The following CPAMD8 variants were observed in gnomAD, a reference collection of about 807,000 sequenced individuals.
CPAMD8 encodes C3 and PZP-like alpha-2-macroglobulin domain-containing protein 8.
A neutral mutation model predicts 224.7 loss-of-function variants in CPAMD8; 146 were observed. The ratio of observed to expected loss-of-function variants is 0.65; its 90% CI spans 0.57 to 0.75. CPAMD8 has a LOEUF of 0.75. CPAMD8 is among the 30% of genes least tolerant of loss of function. CPAMD8 has a pLI of 0.00. For synonymous variants in CPAMD8, 966 were observed against 1,044.6 expected (o/e 0.92, Z 1.45); for missense variants, 2,301 against 2,537.5 (o/e 0.91, Z 2.00).
At chr19:16,955,506 G>T (rs750404722) in intron 19 of CPAMD8, among the ~76,000 whole-genome samples, 3 of 152,116 alleles carry the variant, frequency 2.0e-5, no homozygotes, top group Non-Finnish European at 4.4e-5. Context: ...TGTTTAATGG[G>T]ACAGAGTGTC....
chr19:16,965,076 C>G (rs1359970966), intron 18 of CPAMD8, among the ~76,000 whole-genome samples: 2 of 151,972 alleles, frequency 1.3e-5, no homozygotes, highest in Admixed American at 1.3e-4. Flanking sequence ...CTGGCTAACA[C>G]GGTGATACCC....
At chr19:16,978,197 A>G (rs2055350103) in intron 14 of CPAMD8, among the ~76,000 whole-genome samples, 1 of 152,122 alleles carries the variant, frequency 6.6e-6, no homozygotes, top group South Asian at 2.1e-4. Context: ...CGGGGACACA[A>G]GGAAACTCAT....
chr19:16,902,595 T>C, intron 35 of CPAMD8, 54 bp downstream of exon 35: 1 of 1,162,722 alleles, frequency 8.6e-7, no homozygotes, highest in Non-Finnish European at 1.3e-6. Flanking sequence ...GGCCATCCTC[T>C]CCGCACATTG....
At position 17,002,256 on chromosome 19, in the gene CPAMD8, T is replaced by A; in HGVS notation, c.758+10A>T. On this transcript the variant is annotated intron_variant, in intron 9 of 41. Coordinates refer to ENST00000443236, the MANE Select transcript of CPAMD8 (RefSeq NM_015692.5). ...CCCCCCAGTGTGCCCCAGGGGTCCC[T>A]CTTTCTCACCTGGCCCGCACAGTGC... 1.9e-6 allele frequency: 3 copies of A among 1,576,556 alleles called. No individual in the cohort carries two copies. Among genetic ancestry groups the A allele is most frequent in the Non-Finnish European group, 2.6e-6 (3 of 1,155,468 alleles).
At chr19:17,012,797 C>T (rs918966978) in intron 3 of CPAMD8, among the ~76,000 whole-genome samples, 1 of 152,178 alleles carries the variant, frequency 6.6e-6, no homozygotes, top group African/African-American at 2.4e-5. Context: ...AGCCTGTGAG[C>T]GGTGGAAGGA....
At chr19:16,979,736 T>A (rs1051453937) in intron 14 of CPAMD8, among the ~76,000 whole-genome samples, 3 of 152,216 alleles carry the variant, frequency 2.0e-5, no homozygotes, top group African/African-American at 7.2e-5. Context: ...TATCCTACAG[T>A]GCCTCCACCA....
intron 1 of CPAMD8, 88 bp from the exon 2 acceptor site, chr19:17,022,269 C>A: frequency 6.9e-7 from 1 of 1,447,600 alleles, no homozygotes; most frequent in Non-Finnish European, 9.4e-7. Context: ...CTCCTCGCAG[C>A]AGACTCCTGC....
chr19:17,000,849 T>C (rs1464159466), intron 9 of CPAMD8, among the ~76,000 whole-genome samples: 3 of 152,218 alleles, frequency 2.0e-5, no homozygotes, highest in African/African-American at 7.2e-5. Context: ...GAGAGGCACC[T>C]GAGCCTAAGC....
intron 18 of CPAMD8, among the ~76,000 whole-genome samples, chr19:16,965,839 A>G (rs569262228): frequency 6.6e-6 from 1 of 152,342 alleles, no homozygotes; most frequent in East Asian, 1.9e-4. Context: ...AATGAAATAA[A>G]AGAGGACACA....
chr19:16,939,838 T>C (rs2053825025), intron 22 of CPAMD8, among the ~76,000 whole-genome samples: 1 of 152,196 alleles, frequency 6.6e-6, no homozygotes, highest in East Asian at 1.9e-4. Context: ...TCTCAGGCCT[T>C]CCAGCTACAC....
rs143360634 is a variant in CPAMD8, at chr19:16,923,925, C to T, written c.3547+1271G>A. ...GAGCTATGATCGCACCATTGCACTCCGGCCTGGGTGACAGAGCGAGACCCT... is the reference window on the plus strand; with the variant it reads ...GAGCTATGATCGCACCATTGCACTCTGGCCTGGGTGACAGAGCGAGACCCT... On this transcript the variant is annotated intron_variant, in intron 26 of 41. Transcript: ENST00000443236. 3.2e-3 allele frequency among the ~76,000 whole-genome samples: 489 copies of T among 151,780 alleles called. 2 individuals carry two copies. The highest frequency in any genetic ancestry group is 0.01 in the African/African-American group (419 of 41,320).
At chr19:17,016,447 A>G (rs1350364661) in intron 3 of CPAMD8, among the ~76,000 whole-genome samples, 2 of 152,130 alleles carry the variant, frequency 1.3e-5, no homozygotes, top group African/African-American at 2.4e-5. Flanking sequence ...CTCCAGGGAA[A>G]TGGCTTCCTG....
At chr19:17,002,180 G>A in intron 9 of CPAMD8, 86 bp downstream of exon 9, 1 of 872,488 alleles carries the variant, frequency 1.1e-6, no homozygotes, top group South Asian at 1.5e-5. Flanking sequence ...GGCAGCAGAG[G>A]AGGGGAACGA....
chr19:17,013,859 T>G (rs1051870552), intron 3 of CPAMD8, among the ~76,000 whole-genome samples: 2 of 151,800 alleles, frequency 1.3e-5, no homozygotes, highest in African/African-American at 4.8e-5. Context: ...CACTTCAGTC[T>G]TCAGGATGGA....
intron 30 of CPAMD8, among the ~76,000 whole-genome samples, chr19:16,905,654 C>CCCA (rs1303438704): frequency 1.3e-5 from 2 of 151,622 alleles, no homozygotes; most frequent in Non-Finnish European, 2.9e-5. Context: ...GAGAAACCAG[C>CCCA]CCACCACCAC....
At chr19:16,934,172 A>T (rs529950080) in intron 23 of CPAMD8, among the ~76,000 whole-genome samples, 13 of 152,320 alleles carry the variant, frequency 8.5e-5, no homozygotes, top group East Asian at 5.8e-4. Context: ...CTAGTGATGG[A>T]GTAAACAGGA....
chr19:16,955,645 T>G (rs1213667877), intron 19 of CPAMD8, among the ~76,000 whole-genome samples: 1 of 152,156 alleles, frequency 6.6e-6, no homozygotes, highest in Non-Finnish European at 1.5e-5. Flanking sequence ...TGTGGAGTAT[T>G]TCACCATAAT....
In CPAMD8 at chr19:16,967,987, A is replaced by T. The variant is rs187589123; in HGVS notation, c.2213+2904T>A. 2.8e-3 allele frequency among the ~76,000 whole-genome samples: 345 copies of T among 122,754 alleles called. 1 individual carries two copies. The highest frequency in any genetic ancestry group is 9.8e-3 in the African/African-American group (336 of 34,444). 80.5% of individuals were successfully genotyped at this position (122,754 alleles called of 152,430 possible). A position where few individuals can be genotyped will look rare whatever the true frequency, so the allele number is the denominator to read the frequency against. The stretch of plus-strand genomic sequence containing the variant: ...GATGTGTTTGTTCCAATTACAAAAA[A>T]GCATGGGCACTTGATTTTGAAGGCA... On this transcript the variant is annotated intron_variant, in intron 18 of 41. Coordinates refer to ENST00000443236, the MANE Select transcript of CPAMD8 (RefSeq NM_015692.5).
intron 25 of CPAMD8, among the ~76,000 whole-genome samples, chr19:16,927,320 C>T (rs1191135039): frequency 2.0e-5 from 3 of 152,038 alleles, no homozygotes; most frequent in Non-Finnish European, 4.4e-5. Flanking sequence ...TCACTTGGCT[C>T]TCATTCTCTC....
Sources: allele counts gnomAD v4.1 joint callset (sites outside exome capture counted in the v4.1 genomes callset), GRCh38; gene constraint gnomAD v4.1.1; transcripts MANE v1.5; gene names NCBI Gene and HGNC (gene_info 2026-07-23, HGNC 2026-07-21).